AKT2: variants seen among roughly 807,000 people sequenced by gnomAD.
AKT2 encodes RAC-beta serine/threonine-protein kinase.
AKT2 carries 16 observed loss-of-function variants against 58.6 expected under a neutral mutation model. The ratio of observed to expected loss-of-function variants is 0.27; its 90% CI spans 0.18 to 0.41. The LOEUF is 0.41. Among genes scored for constraint, AKT2 ranks in the 10% least tolerant of loss-of-function variants. AKT2 has a pLI of 1.00. For missense variants in AKT2, 438 were observed against 661.0 expected, an observed-to-expected ratio of 0.66 and a Z score of 3.70; for synonymous variants, 253 against 254.0, an observed-to-expected ratio of 1.00 and a Z score of 0.04.
rs949162250 is a variant in AKT2, at chr19:40,230,406, G to A, written c.*3466C>T. On this transcript the variant is annotated 3_prime_UTR_variant, in exon 14 of 14. Coordinates refer to ENST00000392038, the MANE Select transcript of AKT2 (RefSeq NM_001626.6). ...TGTTAACGGGGCAGCTGAAGCGGTT[G>A]AGGGGTCTACCCCATGGAACCCCAG... is the stretch of plus-strand genomic sequence containing the variant. The A allele has an allele frequency of 1.3e-5, 3 of 223,794 alleles. No individual in the cohort carries two copies. Among genetic ancestry groups the A allele is most frequent in the South Asian group, 1.8e-4 (1 of 5,448 alleles). 13.9% of individuals were successfully genotyped at this position (223,794 alleles called of 1,614,324 possible).
Position 40,257,057 on chromosome 19 carries a change from G to C in AKT2, c.47-3C>G, listed in dbSNP as rs768833747. The stretch of plus-strand genomic sequence containing the variant: ...CCTCCAGGTCTTGATGTATTCACCT[G>C]AAATGAGGCAGGAAGGGAGGGAGAG... On this transcript the variant is annotated splice_polypyrimidine_tract_variant and splice_region_variant and intron_variant, in intron 2 of 13. Coordinates refer to ENST00000392038, the MANE Select transcript of AKT2 (RefSeq NM_001626.6). 6.2e-7 allele frequency: 1 copy of C among 1,614,066 alleles called. No homozygotes were observed. The highest frequency in any genetic ancestry group is 1.7e-5 in the Admixed American group (1 of 60,024).
chr19:40,277,538 G>T (rs1272162390), intron 1 of AKT2, among the ~76,000 whole-genome samples: 2 of 151,988 alleles, frequency 1.3e-5, no homozygotes, highest in South Asian at 4.1e-4. Flanking sequence ...CCCCATCATA[G>T]CCCAGGCCCT....
At position 40,238,035 on chromosome 19, in the gene AKT2, A is replaced by G. The variant is rs1401412479; in HGVS notation, c.765T>C (p.Tyr255=). ...CAAGAGCCGAGACAATCTCTGCACCATAAAACCGGGCCCGCTCCTCTGTGA... is the reference window on the plus strand; with the variant it reads ...CAAGAGCCGAGACAATCTCTGCACCGTAAAACCGGGCCCGCTCCTCTGTGA... The part of the protein sequence containing the change: ...RVFTEERARF[Y]GAEIVSALEY... Residue 255 remains tyrosine, a synonymous_variant, in exon 9 of 14, where the codon TAT becomes TAC. Transcript: ENST00000392038. This position sits in a 1 kb window ranked among gnomAD's most constrained non-coding sequence, Gnocchi z 5.1. 2 of 1,611,276 alleles carry G rather than the reference A, an allele frequency of 1.2e-6. No homozygotes were observed. Among genetic ancestry groups the G allele is most frequent in the African/African-American group, 1.3e-5 (1 of 74,914 alleles).
At chr19:40,245,412 T>C (rs950975425) in intron 4 of AKT2, among the ~76,000 whole-genome samples, 8 of 152,110 alleles carry the variant, frequency 5.3e-5, no homozygotes, top group African/African-American at 1.9e-4. Context: ...AAGAACAGTA[T>C]ACAGTTCTGT....
intron 2 of AKT2, among the ~76,000 whole-genome samples, chr19:40,264,486 C>A (rs1340044397): frequency 6.6e-6 from 1 of 152,136 alleles, no homozygotes; most frequent in Non-Finnish European, 1.5e-5. Flanking sequence ...GACCTGCAGG[C>A]GCGACACAGC....
rs551221138 is a variant in AKT2, at chr19:40,280,579, G to A, written c.-85+4602C>T. Among the ~76,000 whole-genome samples, 6 of 152,170 alleles carry A rather than the reference G, an allele frequency of 3.9e-5. No homozygotes were observed. In the East Asian group the frequency reaches 1.2e-3, roughly 29 times the overall value. Reference sequence around the variant, plus strand: ...AACTCCTTCACAGACAGTCCACAAGGCTCCCAGTGAAAGGGCCCTGCCTGC... The same window carrying A: ...AACTCCTTCACAGACAGTCCACAAGACTCCCAGTGAAAGGGCCCTGCCTGC... On this transcript the variant is annotated intron_variant, in intron 1 of 13. Coordinates refer to ENST00000392038, the MANE Select transcript of AKT2 (RefSeq NM_001626.6).
At chr19:40,267,516 A>G (rs1405978733) in intron 1 of AKT2, among the ~76,000 whole-genome samples, 2 of 152,138 alleles carry the variant, frequency 1.3e-5, no homozygotes, top group Non-Finnish European at 2.9e-5. Flanking sequence ...TCCTCCAGGA[A>G]GCCTTCCCCA....
In AKT2 at chr19:40,237,984, TACC is replaced by T; in HGVS notation, c.813_815del (p.Val272del). On this transcript the variant is annotated inframe_deletion, in exon 9 of 14. Coordinates refer to ENST00000392038, the MANE Select transcript of AKT2 (RefSeq NM_001626.6). The surrounding 1 kb of genome is among the most constrained non-coding windows in gnomAD (Gnocchi z 4.5). ...TGCCACTAACCTTGATGTCGCGGTA[TACC>T]ACGTCCCGCGAGTGCAAGTACTCAA... The T allele has an allele frequency of 6.2e-7, 1 of 1,613,724 alleles. No individual in the cohort carries two copies. The highest frequency in any genetic ancestry group is 8.5e-7 in the Non-Finnish European group (1 of 1,179,938).
At chr19:40,252,581 C>T (rs996847487) in intron 4 of AKT2, among the ~76,000 whole-genome samples, 4 of 133,270 alleles carry the variant, frequency 3.0e-5, no homozygotes, top group African/African-American at 7.5e-5. Flanking sequence ...TTACTAAGTG[C>T]CTGCCAAGCC....
rs1486246060 is a variant in AKT2 at position 40,237,818 on chromosome 19, G to A, written c.831+151C>T. 2.6e-6 allele frequency: 3 copies of A among 1,145,448 alleles called. No individual in the cohort carries two copies. Among genetic ancestry groups the A allele is most frequent in the Non-Finnish European group, 3.7e-6 (3 of 813,878 alleles). The allele number at this position is 1,145,448 out of a possible 1,614,324, so 71.0% of individuals were successfully genotyped here. ...AGGGCAGCCACCACCCTGGACCTTG[G>A]TGGGGAGCCTGGCGAATGAGGGCAG... On this transcript the variant is annotated intron_variant, in intron 9 of 13. Coordinates refer to ENST00000392038, the MANE Select transcript of AKT2 (RefSeq NM_001626.6). This position sits in a 1 kb window ranked among gnomAD's most constrained non-coding sequence, Gnocchi z 4.5.
At position 40,231,412 on chromosome 19, in the gene AKT2, T is replaced by G; in HGVS notation, c.*2460A>C. ...ACCAGGGTAGACTTTTGTAATTAAA[T>G]TAAGGTCCACATGACTTTAGAAAGA... On this transcript the variant is annotated 3_prime_UTR_variant, in exon 14 of 14. Transcript: ENST00000392038. 4.3e-6 allele frequency: 1 copy of G among 233,268 alleles called. No individual in the cohort carries two copies. The highest frequency in any genetic ancestry group is 8.5e-6 in the Non-Finnish European group (1 of 118,030). 14.4% of individuals were successfully genotyped at this position (233,268 alleles called of 1,614,324 possible). A position where few individuals can be genotyped will look rare whatever the true frequency, so the allele number is the denominator to read the frequency against.
chr19:40,265,490 C>T (rs964960111), intron 1 of AKT2, 139 bp from the exon 2 acceptor site: 3 of 1,207,012 alleles, frequency 2.5e-6, no homozygotes, highest in Non-Finnish European at 3.4e-6. Flanking sequence ...GGCGTGGAGC[C>T]CGCTCTCAAG....
At position 40,238,796 on chromosome 19, in the gene AKT2, A is replaced by G; in HGVS notation, c.708+109T>C. ...CCTCAAGGGAGAGGGGCACTAGATG[A>G]CACTGAAATTTCCCTCCACCCTTCC... On this transcript the variant is annotated intron_variant, in intron 8 of 13. Transcript: ENST00000392038. The surrounding 1 kb of genome is among the most constrained non-coding windows in gnomAD (Gnocchi z 5.1). The G allele has an allele frequency of 8.4e-7, 1 of 1,185,732 alleles. No homozygotes were observed. The highest frequency in any genetic ancestry group is 1.3e-6 in the Non-Finnish European group (1 of 793,568). The allele number at this position is 1,185,732 out of a possible 1,614,324, so 73.5% of individuals were successfully genotyped here. A position where few individuals can be genotyped will look rare whatever the true frequency, so the allele number is the denominator to read the frequency against.
rs1973986849 is a variant in AKT2, at chr19:40,235,819, GC to G, written c.1175+70del. The G allele has an allele frequency of 6.8e-7, 1 of 1,472,164 alleles. No homozygotes were observed. The highest frequency in any genetic ancestry group is 1.9e-5 in the Admixed American group (1 of 51,682). 91.2% of individuals were successfully genotyped at this position (1,472,164 alleles called of 1,614,324 possible). A position where few individuals can be genotyped will look rare whatever the true frequency, so the allele number is the denominator to read the frequency against. On this transcript the variant is annotated intron_variant, in intron 11 of 13. Coordinates refer to ENST00000392038, the MANE Select transcript of AKT2 (RefSeq NM_001626.6). This position sits in a 1 kb window ranked among gnomAD's most constrained non-coding sequence, Gnocchi z 6.3. ...ACAAGCGAGCACCCTTGTGGACGCTGCCCCCTCCAGGCCGCAGGGACAGTGG... is the reference window on the plus strand; with the variant it reads ...ACAAGCGAGCACCCTTGTGGACGCTGCCCCTCCAGGCCGCAGGGACAGTGG...
In AKT2 at chr19:40,235,975, T is replaced by C. The variant is rs1568518681; in HGVS notation, c.1090A>G (p.Met364Val). The C allele has an allele frequency of 6.2e-7, 1 of 1,614,016 alleles. No homozygotes were observed. The highest frequency in any genetic ancestry group is 1.7e-5 in the Admixed American group (1 of 60,018). Residue 364 changes from methionine (M) to valine (V), a missense_variant, in exon 11 of 14, where the codon ATG becomes GTG. Physicochemically the swap from Met to Val is conservative, Grantham distance 21 (BLOSUM62 1). This residue lies in a region of AKT2 where 148 missense variants were observed against 199.5 expected (regional missense o/e 0.74). Coordinates refer to ENST00000392038, the MANE Select transcript of AKT2 (RefSeq NM_001626.6). This position sits in a 1 kb window ranked among gnomAD's most constrained non-coding sequence, Gnocchi z 6.3. ...GTGCGCGGGAAGCGGATCTCTTCCA[T>C]GAGGATGAGCTCGAAGAGGCGCTCG... ...DHERLFELIL[M>V]EEIRFPRTLS...
At position 40,237,814 on chromosome 19, in the gene AKT2, C is replaced by T; in HGVS notation, c.831+155G>A. ...AATGAGGGCAGCCACCACCCTGGAC[C>T]TTGGTGGGGAGCCTGGCGAATGAGG... On this transcript the variant is annotated intron_variant, in intron 9 of 13. Transcript: ENST00000392038. This position sits in a 1 kb window ranked among gnomAD's most constrained non-coding sequence, Gnocchi z 4.5. The T allele has an allele frequency of 1.8e-6, 2 of 1,119,504 alleles. No individual in the cohort carries two copies. Among genetic ancestry groups the T allele is most frequent in the Non-Finnish European group, 2.5e-6 (2 of 791,188 alleles). 69.3% of individuals were successfully genotyped at this position (1,119,504 alleles called of 1,614,324 possible). A position where few individuals can be genotyped will look rare whatever the true frequency, so the allele number is the denominator to read the frequency against.
chr19:40,275,652 C>A (rs2077300603), intron 1 of AKT2, among the ~76,000 whole-genome samples: 1 of 151,964 alleles, frequency 6.6e-6, no homozygotes, highest in South Asian at 2.1e-4. Flanking sequence ...GCTAGTGCAA[C>A]TAAAGAACTG....
rs902246212 is a variant in AKT2, at chr19:40,231,956, G to A, written c.*1916C>T. ...CCCCCCTCTGAGGCTCGGCAGCCGG[G>A]TGGAATGAACCACTCCCTCTCATTC... On this transcript the variant is annotated 3_prime_UTR_variant, in exon 14 of 14. Coordinates refer to ENST00000392038, the MANE Select transcript of AKT2 (RefSeq NM_001626.6). The A allele has an allele frequency of 1.2e-4, 29 of 233,228 alleles. No individual in the cohort carries two copies. Among genetic ancestry groups the A allele is most frequent in the Admixed American group, 1.1e-4 (2 of 17,772 alleles). The allele number at this position is 233,228 out of a possible 1,614,324, so 14.4% of individuals were successfully genotyped here. A position where few individuals can be genotyped will look rare whatever the true frequency, so the allele number is the denominator to read the frequency against.
chr19:40,239,955 CTG>C, intron 7 of AKT2, 88 bp downstream of exon 7: 1 of 1,501,468 alleles, frequency 6.7e-7, no homozygotes, highest in Non-Finnish European at 9.3e-7. Context: ...TACCCCAAGA[CTG>C]TGCTTTGTAC....
Sources: allele counts gnomAD v4.1 joint callset (sites outside exome capture counted in the v4.1 genomes callset), GRCh38; gene constraint gnomAD v4.1.1; regional missense constraint gnomAD v4.1.1; non-coding constraint Gnocchi (gnomAD v3.1); transcripts MANE v1.5; gene names NCBI Gene and HGNC (gene_info 2026-07-23, HGNC 2026-07-21).